SPATS2: variants seen among roughly 807,000 people sequenced by gnomAD.
The protein encoded by SPATS2 is spermatogenesis-associated serine-rich protein 2.
A neutral mutation model predicts 63.7 loss-of-function variants in SPATS2; 38 were observed. The observed-to-expected ratio is 0.60, with a 90% CI of 0.46 to 0.78. SPATS2 has a LOEUF of 0.78. Among genes scored for constraint, SPATS2 ranks in the 30% least tolerant of loss-of-function variants. SPATS2 has a pLI of 0.00. For synonymous variants in SPATS2, 207 were observed against 232.9 expected, an observed-to-expected ratio of 0.89 and a Z score of 1.01; for missense variants, 588 against 666.2, an observed-to-expected ratio of 0.88 and a Z score of 1.29.
chr12:49,367,383 G>A (rs1171380946), upstream of SPATS2: 2 of 395,240 alleles, frequency 5.1e-6, no homozygotes, highest in Admixed American at 4.4e-5. Context: ...CCTGCAGTCC[G>A]GCCCAGGAGA....
At chr12:49,511,758 CA>C (rs762453188) in intron 9 of SPATS2, among the ~76,000 whole-genome samples, 50 of 152,172 alleles carry the variant, frequency 3.3e-4, no homozygotes, top group Non-Finnish European at 5.6e-4. Context: ...AGTTGTGTTA[CA>C]ATAGATTATT....
intron 2 of SPATS2, among the ~76,000 whole-genome samples, chr12:49,437,514 G>A (rs1945335054): frequency 6.6e-6 from 1 of 152,276 alleles, no homozygotes; most frequent in African/African-American, 2.4e-5. Context: ...CCGAGATCAC[G>A]CCACTGCACT....
At chr12:49,504,000 C>T (rs1247887187) in intron 9 of SPATS2, among the ~76,000 whole-genome samples, 2 of 152,166 alleles carry the variant, frequency 1.3e-5, no homozygotes, top group Non-Finnish European at 2.9e-5. Flanking sequence ...GCCCTTTGCT[C>T]TGGTTGATTG....
intron 3 of SPATS2, among the ~76,000 whole-genome samples, chr12:49,468,659 T>C (rs973268720): frequency 1.3e-5 from 2 of 151,772 alleles, no homozygotes; most frequent in African/African-American, 4.8e-5. Context: ...GTATTTTTTG[T>C]AGAGATGTGG....
intron 8 of SPATS2, among the ~76,000 whole-genome samples, chr12:49,499,789 TTAC>T (rs1265630360): frequency 2.6e-5 from 4 of 152,220 alleles, no homozygotes; most frequent in Non-Finnish European, 5.9e-5. Flanking sequence ...GTACTACCTG[TTAC>T]ACATTGTCTG....
chr12:49,375,182 GTGTGTGTGTGT>G (rs765689201), intron 2 of SPATS2, among the ~76,000 whole-genome samples: 9,648 of 135,434 alleles, frequency 0.071, 426 homozygotes, highest in African/African-American at 0.086. Context: ...GTGTGTGTGT[GTGTGTGTGTGT>G]GTGGTGGTAG....
intron 2 of SPATS2, among the ~76,000 whole-genome samples, chr12:49,457,896 T>C (rs1263653199): frequency 6.6e-6 from 1 of 152,206 alleles, no homozygotes; most frequent in Non-Finnish European, 1.5e-5. Context: ...CTTTGGCTGG[T>C]TCTCACAGCT....
chr12:49,473,707 T>C (rs1206979516), intron 3 of SPATS2, among the ~76,000 whole-genome samples: 1 of 152,188 alleles, frequency 6.6e-6, no homozygotes. Context: ...TGAAATATTA[T>C]TCAGCAATGA....
At chr12:49,503,800 G>A (rs998335854) in intron 9 of SPATS2, among the ~76,000 whole-genome samples, 1 of 152,154 alleles carries the variant, frequency 6.6e-6, no homozygotes, top group Non-Finnish European at 1.5e-5. Flanking sequence ...AGCAGGAAAC[G>A]CAGTTCCGGG....
intron 2 of SPATS2, among the ~76,000 whole-genome samples, chr12:49,458,803 C>T (rs534233411): frequency 6.7e-6 from 1 of 149,842 alleles, no homozygotes; most frequent in African/African-American, 2.5e-5. Flanking sequence ...ACCCAGAAAT[C>T]TTGGGCATGT....
chr12:49,513,015 G>A (rs1946776819), intron 9 of SPATS2: 1 of 862,518 alleles, frequency 1.2e-6, no homozygotes, highest in East Asian at 6.4e-5. Flanking sequence ...TTAGTTACAA[G>A]TCTGTTTATT....
chr12:49,494,774 G>T lies in SPATS2; in HGVS notation c.298G>T (p.Ala100Ser). Residue 100 changes from alanine (A) to serine (S), a missense_variant, in exon 7 of 14, where the codon GCA becomes TCA. Transcript: ENST00000552918. ...KKKKNKPKPA[A>S]EPSNGIPDSS... ...GAAGAAAAACAAACCGAAACCTGCCGCAGAACCAAGTAACGGCATCCCAGA... is the reference window on the plus strand; with the variant it reads ...GAAGAAAAACAAACCGAAACCTGCCTCAGAACCAAGTAACGGCATCCCAGA... The T allele has an allele frequency of 1.2e-6, 2 of 1,601,684 alleles. No individual in the cohort carries two copies. The highest frequency in any genetic ancestry group is 1.1e-5 in the South Asian group (1 of 88,944).
At chr12:49,367,129 G>T (rs765369259), upstream of SPATS2, 2 of 156,126 alleles carry the variant, frequency 1.3e-5, 1 homozygote, top group Non-Finnish European at 2.8e-5. Flanking sequence ...GCCTCTCGCC[G>T]CCCCGCGCCT....
At chr12:49,418,351 G>A (rs1944926426) in intron 2 of SPATS2, among the ~76,000 whole-genome samples, 1 of 151,998 alleles carries the variant, frequency 6.6e-6, no homozygotes, top group African/African-American at 2.4e-5. Flanking sequence ...CCAGGCTGGA[G>A]TGCAATGGCG....
intron 1 of SPATS2, among the ~76,000 whole-genome samples, chr12:49,370,870 G>A (rs968457411): frequency 5.3e-5 from 8 of 151,910 alleles, no homozygotes; most frequent in African/African-American, 1.9e-4. Flanking sequence ...GTTTGACCAC[G>A]CCCAGTTAAC....
intron 3 of SPATS2, among the ~76,000 whole-genome samples, chr12:49,482,296 CAGG>C (rs1399777966): frequency 6.6e-6 from 1 of 152,224 alleles, no homozygotes; most frequent in Non-Finnish European, 1.5e-5. Flanking sequence ...GCAGCATTGG[CAGG>C]AGATTCCGAG....
At chr12:49,388,380 AT>A (rs1030833314) in intron 2 of SPATS2, among the ~76,000 whole-genome samples, 4 of 150,850 alleles carry the variant, frequency 2.7e-5, no homozygotes, top group South Asian at 2.1e-4. Context: ...TTAAAAAATA[AT>A]TTTTTTTCCC....
At chr12:49,385,815 C>A (rs1187658766) in intron 2 of SPATS2, among the ~76,000 whole-genome samples, 2 of 149,478 alleles carry the variant, frequency 1.3e-5, no homozygotes, top group Non-Finnish European at 3.0e-5. Flanking sequence ...TTTGCAGTTA[C>A]AATTTTGTGG....
At chr12:49,453,856 C>CTTTTTTTTTTTTTTTTTTT (rs869155580) in intron 2 of SPATS2, among the ~76,000 whole-genome samples, 1 of 76,196 alleles carries the variant, frequency 1.3e-5, no homozygotes. Flanking sequence ...AAATAGCATT[C>CTTTTTTTTTTTTTTTTTTT]TTTTTTTTTT....
Sources: gnomAD v4.1 joint callset for allele counts (sites outside exome capture counted in the v4.1 genomes callset) on GRCh38, gnomAD v4.1.1 for gene constraint, MANE v1.5 for transcripts, NCBI Gene and HGNC (gene_info 2026-07-23, HGNC 2026-07-21) for gene names.